Variants in MTMR3 observed in about 807,000 individuals in gnomAD.
The protein encoded by MTMR3 is phosphatidylinositol-3,5-bisphosphate 3-phosphatase MTMR3.
Under a neutral mutation model 132.4 loss-of-function variants are expected in MTMR3, and 32 were observed. That is an observed-to-expected ratio of 0.24 (90% CI 0.18 to 0.32). The LOEUF (loss-of-function observed/expected upper bound fraction) is 0.32, where lower values mean the gene tolerates loss of function less well. Among genes scored for constraint, MTMR3 ranks in the 10% least tolerant of loss-of-function variants. The probability of loss-of-function intolerance (pLI) is 1.00; values close to 1 mark genes in which losing one functional copy is unlikely to be tolerated. For synonymous variants in MTMR3, 556 were observed against 550.3 expected (o/e 1.01, Z -0.14); for missense variants, 1,216 against 1,489.6 (o/e 0.82, Z 3.02).
intron 1 of MTMR3, among the ~76,000 whole-genome samples, chr22:29,942,186 A>T (rs776589948): frequency 2.0e-5 from 3 of 152,130 alleles, no homozygotes; most frequent in Non-Finnish European, 2.9e-5. Flanking sequence ...AAAGAGAGAA[A>T]TTTTAAAGCT....
intron 1 of MTMR3, among the ~76,000 whole-genome samples, chr22:29,955,865 C>T (rs577232947): frequency 2.7e-4 from 41 of 152,216 alleles, no homozygotes; most frequent in African/African-American, 9.4e-4. Context: ...GATTCTTGTG[C>T]CTCAGCCTCC....
chr22:29,955,233 C>A (rs1316077139), intron 1 of MTMR3, among the ~76,000 whole-genome samples: 3 of 152,162 alleles, frequency 2.0e-5, no homozygotes, highest in Admixed American at 6.5e-5. Context: ...GATCCTCCTG[C>A]CTCAGCCTCC....
chr22:29,944,499 A>T (rs1036995348), intron 1 of MTMR3, among the ~76,000 whole-genome samples: 19 of 152,212 alleles, frequency 1.2e-4, no homozygotes, highest in Admixed American at 1.2e-3. Context: ...ACAAGAAGAC[A>T]GGAAGTAGAT....
chr22:29,961,266 T>C (rs981487920), intron 2 of MTMR3, among the ~76,000 whole-genome samples: 8 of 152,124 alleles, frequency 5.3e-5, no homozygotes, highest in South Asian at 2.1e-4. Context: ...TGCATAGATA[T>C]GGATAAGGGT....
intron 1 of MTMR3, among the ~76,000 whole-genome samples, chr22:29,935,023 CTA>C (rs1159285093): frequency 6.6e-6 from 1 of 152,080 alleles, no homozygotes; most frequent in Non-Finnish European, 1.5e-5. Flanking sequence ...TATATTTTAA[CTA>C]TAGGTGTCTT....
At chr22:29,904,373 G>A (rs959011331) in intron 1 of MTMR3, among the ~76,000 whole-genome samples, 7 of 152,240 alleles carry the variant, frequency 4.6e-5, no homozygotes, top group Non-Finnish European at 8.8e-5. Flanking sequence ...AGCTGAAATA[G>A]TACTTGAGTC....
intron 5 of MTMR3, chr22:29,980,522 T>TC (rs1301378731): frequency 6.6e-6 from 1 of 152,204 alleles, no homozygotes; most frequent in Non-Finnish European, 1.5e-5. Flanking sequence ...AACTGAGAAT[T>TC]CCCCACCAGC....
chr22:29,947,508 A>C (rs1158665881), intron 1 of MTMR3, among the ~76,000 whole-genome samples: 9 of 151,552 alleles, frequency 5.9e-5, no homozygotes, highest in Admixed American at 3.3e-4. Flanking sequence ...AAATTAAAAA[A>C]AAAAAACAAA....
At chr22:29,968,648 AC>A (rs2066476304) in intron 2 of MTMR3, among the ~76,000 whole-genome samples, 1 of 152,188 alleles carries the variant, frequency 6.6e-6, no homozygotes, top group African/African-American at 2.4e-5. Context: ...CTACTGCTTA[AC>A]ATTAGTTATC....
In MTMR3 at chr22:30,027,502, A is replaced by G. The variant is rs891396708; in HGVS notation, c.*1701A>G. ...GAAACAGGGTGTAGTTCTTTTCCAC[A>G]TTCTGTGTCATCTAGTCGTGCAGGT... On this transcript the variant is annotated 3_prime_UTR_variant, in exon 20 of 20. Transcript: ENST00000401950. 2.6e-5 allele frequency: 4 copies of G among 152,892 alleles called. No individual in the cohort carries two copies. The highest frequency in any genetic ancestry group is 7.2e-5 in the African/African-American group (3 of 41,572). 9.5% of individuals were successfully genotyped at this position (152,892 alleles called of 1,614,324 possible). A position where few individuals can be genotyped will look rare whatever the true frequency, so the allele number is the denominator to read the frequency against.
chr22:29,916,201 A>C (rs939370002), intron 1 of MTMR3, among the ~76,000 whole-genome samples: 1 of 152,184 alleles, frequency 6.6e-6, no homozygotes, highest in Non-Finnish European at 1.5e-5. Flanking sequence ...GTTTCAGCTG[A>C]ATGGCCTGAG....
At chr22:29,988,816 A>G (rs775362574) in intron 6 of MTMR3, 15 of 242,530 alleles carry the variant, frequency 6.2e-5, no homozygotes, top group Non-Finnish European at 9.7e-5. Flanking sequence ...TAAAAAGAAC[A>G]TCAGTACACC....
rs1055596018 is a variant in MTMR3, at chr22:30,028,962, G to A, written c.*3161G>A. 2.0e-5 allele frequency: 3 copies of A among 152,372 alleles called. No individual in the cohort carries two copies. The highest frequency in any genetic ancestry group is 4.4e-5 in the Non-Finnish European group (3 of 68,054). The allele number at this position is 152,372 out of a possible 1,614,324, so 9.4% of individuals were successfully genotyped here. On this transcript the variant is annotated 3_prime_UTR_variant, in exon 20 of 20. Transcript: ENST00000401950. ...TCTACACACAGCCACTATTGTTCCT[G>A]TGGGCTAGTCTCCAGCAAATTAAAA...
chr22:29,918,200 G>A (rs1459480171), intron 1 of MTMR3, among the ~76,000 whole-genome samples: 1 of 152,200 alleles, frequency 6.6e-6, no homozygotes, highest in Non-Finnish European at 1.5e-5. Context: ...GTGTTGAGGG[G>A]CATCATCTGT....
intron 2 of MTMR3, among the ~76,000 whole-genome samples, chr22:29,962,656 G>T (rs191409869): frequency 2.6e-5 from 4 of 152,154 alleles, no homozygotes; most frequent in East Asian, 1.9e-4. Context: ...CTCCAGCCTG[G>T]GCAGCAGAGC....
At chr22:29,926,322 A>G (rs2065516679) in intron 1 of MTMR3, among the ~76,000 whole-genome samples, 1 of 152,108 alleles carries the variant, frequency 6.6e-6, no homozygotes, top group African/African-American at 2.4e-5. Context: ...TTATTTTACT[A>G]TTGTGAATAC....
chr22:29,919,121 G>A (rs985644016), intron 1 of MTMR3, among the ~76,000 whole-genome samples: 6 of 152,126 alleles, frequency 3.9e-5, no homozygotes, highest in African/African-American at 1.2e-4. Flanking sequence ...ATGTTTTTTC[G>A]GAAAATATAT....
intron 2 of MTMR3, among the ~76,000 whole-genome samples, chr22:29,969,238 T>TA (rs1417857723): frequency 6.6e-6 from 1 of 152,216 alleles, no homozygotes; most frequent in Non-Finnish European, 1.5e-5. Flanking sequence ...AGATTTTTCT[T>TA]ACAATGCTCT....
intron 16 of MTMR3, chr22:30,019,247 G>A (rs73398700): frequency 6.4e-6 from 3 of 469,428 alleles, no homozygotes; most frequent in East Asian, 6.7e-5. Context: ...TAGCTCATTT[G>A]TATGTATGGG....
Sources: allele counts gnomAD v4.1 joint callset (sites outside exome capture counted in the v4.1 genomes callset), GRCh38; gene constraint gnomAD v4.1.1; transcripts MANE v1.5; gene names NCBI Gene and HGNC (gene_info 2026-07-23, HGNC 2026-07-21).